The following PARD3 variants were observed in gnomAD, a reference collection of about 807,000 sequenced individuals.
PARD3 encodes par-3 family cell polarity regulator.
A neutral mutation model predicts 155.4 loss-of-function variants in PARD3; 75 were observed. The ratio of observed to expected loss-of-function variants is 0.48; its 90% confidence interval spans 0.40 to 0.58. PARD3 has a LOEUF of 0.58. Ranked by LOEUF, PARD3 falls within the 20% of genes least tolerant of loss-of-function variation. The pLI, the probability that PARD3 is intolerant of heterozygous loss-of-function variation, is 0.00. For missense variants in PARD3, 1,642 were observed against 1,721.7 expected (o/e 0.95, Z 0.82); for synonymous variants, 576 against 610.5 (o/e 0.94, Z 0.83).
intron 21 of PARD3, among the ~76,000 whole-genome samples, chr10:34,278,308 G>A (rs1435186772): frequency 1.3e-5 from 2 of 152,106 alleles, no homozygotes; most frequent in Non-Finnish European, 2.9e-5. Flanking sequence ...TCAGCCTTCT[G>A]AGCAGCCTTA....
At chr10:34,446,888 A>C (rs1042666243) in intron 5 of PARD3, among the ~76,000 whole-genome samples, 3 of 152,232 alleles carry the variant, frequency 2.0e-5, no homozygotes, top group Admixed American at 6.5e-5. Flanking sequence ...TATGTAAAAC[A>C]TTTATGATTT....
intron 22 of PARD3, among the ~76,000 whole-genome samples, chr10:34,248,261 A>G (rs1179314084): frequency 6.6e-6 from 1 of 152,210 alleles, no homozygotes; most frequent in African/African-American, 2.4e-5. Context: ...ATGGTAAAAA[A>G]AAATACCAGA....
At chr10:34,736,469 C>G (rs866237959) in intron 1 of PARD3, among the ~76,000 whole-genome samples, 1 of 151,664 alleles carries the variant, frequency 6.6e-6, no homozygotes, top group Non-Finnish European at 1.5e-5. Flanking sequence ...GCTGGGAACA[C>G]AGACACATGC....
Position 34,788,450 on chromosome 10 carries a change from C to CTTT in PARD3, c.120+26423_120+26425dup, listed in dbSNP as rs568326379. On this transcript the variant is annotated intron_variant, in intron 1 of 24. Coordinates refer to ENST00000374788, the MANE Select transcript of PARD3 (RefSeq NM_001184785.2). ...CCTGGGCCAAGCTCTAGGTCCAGTT[C>CTTT]TTTTTTTTTTTTTTCCTGAGACACA... Among the ~76,000 whole-genome samples the CTTT allele has an allele frequency of 8.4e-5, 12 of 142,396 alleles. 1 individual carries two copies. The highest frequency in any genetic ancestry group is 4.5e-4 in the South Asian group (2 of 4,492). The allele number at this position is 142,396 out of a possible 152,430, so 93.4% of individuals were successfully genotyped here.
intron 2 of PARD3, among the ~76,000 whole-genome samples, chr10:34,624,254 C>T (rs1564430046): frequency 6.6e-6 from 1 of 152,116 alleles, no homozygotes; most frequent in African/African-American, 2.4e-5. Flanking sequence ...GCCCTTTCTG[C>T]TGGGAAGGTA....
At chr10:34,241,420 G>A (rs1439166685) in intron 22 of PARD3, among the ~76,000 whole-genome samples, 2 of 152,192 alleles carry the variant, frequency 1.3e-5, no homozygotes, top group African/African-American at 2.4e-5. Context: ...TGGGAGACCC[G>A]GTGGTCCTGG....
Position 34,307,842 on chromosome 10 carries a change from T to A in PARD3, c.3065+9265A>T, listed in dbSNP as rs530355143. ...AGGGGAAAAATGGGTTAACATTCTC[T>A]GTCAATGTCAATGTATATTTACATC... On this transcript the variant is annotated intron_variant, in intron 20 of 24. Coordinates refer to ENST00000374788, the MANE Select transcript of PARD3 (RefSeq NM_001184785.2). Among the ~76,000 whole-genome samples the A allele has an allele frequency of 3.3e-5, 5 of 152,304 alleles. No individual in the cohort carries two copies. In the East Asian group the frequency reaches 9.7e-4, roughly 29 times the overall value.
At chr10:34,360,045 A>T (rs1564626857) in intron 13 of PARD3, 26 bp downstream of exon 13, 2 of 1,577,046 alleles carry the variant, frequency 1.3e-6, no homozygotes, top group Admixed American at 3.3e-5. Flanking sequence ...GTTAATAGGC[A>T]TACGCATGAT....
intron 1 of PARD3, among the ~76,000 whole-genome samples, chr10:34,735,540 G>A (rs1052819198): frequency 2.6e-5 from 4 of 152,184 alleles, no homozygotes; most frequent in Admixed American, 1.3e-4. Flanking sequence ...TCTGCTGCCA[G>A]TCCCAAAATC....
chr10:34,229,013 T>C (rs1372151318), intron 22 of PARD3, among the ~76,000 whole-genome samples: 1 of 152,060 alleles, frequency 6.6e-6, no homozygotes, highest in Non-Finnish European at 1.5e-5. Context: ...AGTAGAGGGC[T>C]GATGAGGACA....
intron 1 of PARD3, among the ~76,000 whole-genome samples, chr10:34,799,725 T>C (rs1253458441): frequency 6.6e-6 from 1 of 151,866 alleles, no homozygotes; most frequent in Non-Finnish European, 1.5e-5. Flanking sequence ...GTACGGTGGC[T>C]GACACTTGCA....
intron 3 of PARD3, among the ~76,000 whole-genome samples, chr10:34,515,811 T>C (rs2081698731): frequency 6.6e-6 from 1 of 151,950 alleles, no homozygotes; most frequent in Non-Finnish European, 1.5e-5. Context: ...CTATATTCTG[T>C]ATCTTAATTA....
At chr10:34,261,826 A>AAAGAAAGG (rs1423488812) in intron 22 of PARD3, among the ~76,000 whole-genome samples, 1 of 106,628 alleles carries the variant, frequency 9.4e-6, no homozygotes, top group Admixed American at 9.0e-5. Context: ...AGAAAGAAAG[A>AAAGAAAGG]AACAAACAAA....
At chr10:34,735,930 G>A (rs1366530926) in intron 1 of PARD3, among the ~76,000 whole-genome samples, 1 of 152,028 alleles carries the variant, frequency 6.6e-6, no homozygotes, top group Non-Finnish European at 1.5e-5. Flanking sequence ...TCACTCTGTT[G>A]CCCAGGCTGG....
At position 34,747,955 on chromosome 10, in the gene PARD3, G is replaced by A. The variant is rs150702741; in HGVS notation, c.121-51536C>T. ...CCCTTGTAGCTGGGCATGGTCACACGACAGTTTCCTAACCAAGGAGACCTA... is the reference window on the plus strand; with the variant it reads ...CCCTTGTAGCTGGGCATGGTCACACAACAGTTTCCTAACCAAGGAGACCTA... On this transcript the variant is annotated intron_variant, in intron 1 of 24. Coordinates refer to ENST00000374788, the MANE Select transcript of PARD3 (RefSeq NM_001184785.2). Among the ~76,000 whole-genome samples, 608 of 152,298 alleles carry A rather than the reference G, an allele frequency of 4.0e-3. 6 individuals are homozygous for A. Among genetic ancestry groups the A allele is most frequent in the South Asian group, 0.033 (158 of 4,822 alleles).
rs2796011 is a variant in PARD3 at position 34,399,359 on chromosome 10, G to A, written c.861C>T (p.His287=). 1,609,138 of 1,611,574 alleles carry A rather than the reference G, an allele frequency of 1. 803,357 individuals are homozygous for A. Among genetic ancestry groups the A allele is most frequent in the East Asian group, 1 (44,851 of 44,852 alleles). Residue 287 remains histidine, a synonymous_variant, in exon 7 of 25, where the codon CAC becomes CAT. Transcript: ENST00000374788. Reference sequence around the variant, plus strand: ...CGCCTCGAGCACTGAAAGGCACTACGTGGATTCCCAGAGGCCCTCCATCGT... The same window carrying A: ...CGCCTCGAGCACTGAAAGGCACTACATGGATTCCCAGAGGCCCTCCATCGT... ...VPNDGGPLGI[H]VVPFSARGGR... is the part of the protein sequence containing the mutation.
intron 19 of PARD3, among the ~76,000 whole-genome samples, chr10:34,318,482 T>A (rs560739004): frequency 1.4e-4 from 21 of 152,346 alleles, no homozygotes; most frequent in African/African-American, 5.0e-4. Context: ...CCCAAACTTT[T>A]GCAAAGAACT....
rs551352407 is a variant in PARD3 at position 34,692,250 on chromosome 10, C to G, written c.222+4068G>C. On this transcript the variant is annotated intron_variant, in intron 2 of 24. Coordinates refer to ENST00000374788, the MANE Select transcript of PARD3 (RefSeq NM_001184785.2). ...TTCATTTCAAAAAAAAAAAAAAAATCAATTCAAGATGGATTAAAGAATTAA... is the reference window on the plus strand; with the variant it reads ...TTCATTTCAAAAAAAAAAAAAAAATGAATTCAAGATGGATTAAAGAATTAA... Among the ~76,000 whole-genome samples the G allele has an allele frequency of 2.1e-5, 3 of 144,688 alleles. No homozygotes were observed. In the East Asian group the frequency reaches 6.0e-4, roughly 29 times the overall value. 94.9% of individuals were successfully genotyped at this position (144,688 alleles called of 152,430 possible). A position where few individuals can be genotyped will look rare whatever the true frequency, so the allele number is the denominator to read the frequency against.
At chr10:34,735,652 A>G (rs529344949) in intron 1 of PARD3, among the ~76,000 whole-genome samples, 25 of 152,350 alleles carry the variant, frequency 1.6e-4, no homozygotes, top group African/African-American at 6.0e-4. Context: ...GTAAGAAAAT[A>G]AAGTAGATAT....
Sources: allele counts gnomAD v4.1 joint callset (sites outside exome capture counted in the v4.1 genomes callset), GRCh38; gene constraint gnomAD v4.1.1; transcripts MANE v1.5; gene names NCBI Gene and HGNC (gene_info 2026-07-23, HGNC 2026-07-21).